Variants in FBXW10 observed in about 807,000 individuals in gnomAD.
FBXW10 encodes F-box/WD repeat-containing protein 10.
FBXW10 carries 68 observed loss-of-function variants against 113.1 expected under a neutral mutation model. The observed-to-expected ratio is 0.60, with a 90% CI of 0.49 to 0.74. The LOEUF is 0.74. Ranked by LOEUF, FBXW10 falls within the 30% of genes least tolerant of loss-of-function variation. The pLI, the probability that FBXW10 is intolerant of heterozygous loss-of-function variation, is 0.00. For synonymous variants in FBXW10, 289 were observed against 481.6 expected (o/e 0.60, Z 5.24); for missense variants, 753 against 1,284.5 (o/e 0.59, Z 6.32).
At chr17:18,756,755 C>A (rs2035272920) in intron 6 of FBXW10, among the ~76,000 whole-genome samples, 1 of 152,158 alleles carries the variant, frequency 6.6e-6, no homozygotes, top group Non-Finnish European at 1.5e-5. Context: ...GACGAAGTTC[C>A]TTTAATAAGC....
chr17:18,748,021 T>C lies in FBXW10; in HGVS notation c.586T>C (p.Trp196Arg). The C allele has an allele frequency of 6.2e-7, 1 of 1,613,816 alleles. No individual in the cohort carries two copies. The highest frequency in any genetic ancestry group is 8.5e-7 in the Non-Finnish European group (1 of 1,179,834). Residue 196 changes from tryptophan (W) to arginine (R), a missense_variant, in exon 2 of 14, where the codon TGG (tryptophan) becomes CGG (arginine). By Grantham distance (101) the Trp-to-Arg change is moderately radical. Coordinates refer to ENST00000395665, the MANE Select transcript of FBXW10 (RefSeq NM_001267585.2). ...CAAGTCTGCGACCTCACAAGTCTAT[T>C]GGACAGCCAAAACTCAGCACACATC... ...SSKSATSQVY[W>R]TAKTQHTSLP...
chr17:18,773,574 G>C (rs1351138731), intron 12 of FBXW10, among the ~76,000 whole-genome samples: 1 of 152,136 alleles, frequency 6.6e-6, no homozygotes, highest in Admixed American at 6.5e-5. Context: ...ATTATGTGTG[G>C]GTTAGAGTAG....
intron 8 of FBXW10, among the ~76,000 whole-genome samples, chr17:18,766,238 G>T (rs2035494069): frequency 6.6e-6 from 1 of 152,016 alleles, no homozygotes; most frequent in African/African-American, 2.4e-5. Flanking sequence ...TTTCATTTTG[G>T]GGATAGAAGG....
chr17:18,748,171 G>C, intron 2 of FBXW10, 66 bp downstream of exon 2: 2 of 1,600,212 alleles, frequency 1.2e-6, no homozygotes, highest in Non-Finnish European at 1.7e-6. Context: ...TGTAATCCCA[G>C]CACTTTGGGA....
intron 7 of FBXW10, among the ~76,000 whole-genome samples, chr17:18,762,410 C>T (rs1159851883): frequency 1.4e-5 from 2 of 146,660 alleles, no homozygotes; most frequent in Non-Finnish European, 3.0e-5. Flanking sequence ...CTCCGACTCC[C>T]TGATTCAAAG....
rs140063499 is a variant in FBXW10 at position 18,778,793 on chromosome 17, C to G, written c.2654C>G (p.Pro885Arg). ...ATAGATGTGAAACGAACCAGTATTCCCCTTGAAATCCAGAAACTGCAGCCC... is the reference window on the plus strand; with the variant it reads ...ATAGATGTGAAACGAACCAGTATTCGCCTTGAAATCCAGAAACTGCAGCCC... ...PPIDVKRTSI[P>R]LEIQKLQPNL... is the part of the protein sequence containing the mutation. Residue 885 changes from proline to arginine, a missense_variant, in exon 14 of 14, where the codon CCC becomes CGC. Pro to Arg is a moderately radical substitution (Grantham distance 103, BLOSUM62 -2). Coordinates refer to ENST00000395665, the MANE Select transcript of FBXW10 (RefSeq NM_001267585.2). 1.4e-5 allele frequency: 22 copies of G among 1,613,660 alleles called. No individual in the cohort carries two copies. In the African/African-American group the frequency reaches 2.9e-4, roughly 22 times the overall value.
At chr17:18,777,236 G>A (rs1421277187) in intron 13 of FBXW10, among the ~76,000 whole-genome samples, 1 of 151,362 alleles carries the variant, frequency 6.6e-6, no homozygotes, top group Non-Finnish European at 1.5e-5. Flanking sequence ...TAATTTTTTT[G>A]TATTTTTAGT....
intron 7 of FBXW10, among the ~76,000 whole-genome samples, chr17:18,758,782 G>T (rs2035323017): frequency 1.3e-5 from 2 of 148,158 alleles, no homozygotes; most frequent in African/African-American, 2.5e-5. Flanking sequence ...CTTAGAGGAA[G>T]AAATAATTTA....
In FBXW10 at chr17:18,764,791, C is replaced by T. The variant is rs778618821; in HGVS notation, c.1483C>T (p.Gln495Ter). 1 of 1,613,872 alleles carries T rather than the reference C, an allele frequency of 6.2e-7. No homozygotes were observed. The highest frequency in any genetic ancestry group is 2.2e-5 in the East Asian group (1 of 44,878). ...TTGCACACGAATCTTCGGTGGTCAC[C>T]AGGGGACTATCACTTGCATGGACTT... ...GVCTRIFGGH[Q>*]GTITCMDLCK... The change falls in exon 8 of 14, where the codon CAG (glutamine) becomes TAG (stop). Residue 495 changes from glutamine to a stop codon, truncating the protein, a stop_gained. Transcript: ENST00000395665. LOFTEE classifies it high-confidence loss of function.
chr17:18,774,024 T>C (rs1355211373), intron 12 of FBXW10, among the ~76,000 whole-genome samples: 9 of 152,208 alleles, frequency 5.9e-5, no homozygotes, highest in Admixed American at 2.0e-4. Context: ...TCGGCTACTA[T>C]TGATTACACT....
chr17:18,766,669 C>T (rs1473987177), intron 8 of FBXW10, 45 bp from the exon 9 acceptor site: 15 of 1,598,646 alleles, frequency 9.4e-6, no homozygotes, highest in Non-Finnish European at 1.0e-5. Flanking sequence ...CCTTTTCCCC[C>T]TTTTTCCCCA....
chr17:18,745,873 T>C (rs2035030928), intron 1 of FBXW10, among the ~76,000 whole-genome samples: 1 of 152,222 alleles, frequency 6.6e-6, no homozygotes, highest in African/African-American at 2.4e-5. Flanking sequence ...GTGTCTGTTT[T>C]GCTTTGCTAT....
chr17:18,769,714 T>C (rs2035571092), intron 10 of FBXW10: 1 of 532,358 alleles, frequency 1.9e-6, no homozygotes, highest in Admixed American at 3.4e-5. Context: ...TAGGTGGGGG[T>C]TGCAGTGAGC....
chr17:18,753,975 G>A (rs1379145196), intron 5 of FBXW10, among the ~76,000 whole-genome samples: 3 of 152,188 alleles, frequency 2.0e-5, no homozygotes, highest in African/African-American at 7.2e-5. Flanking sequence ...CAGTTACAGA[G>A]TCTCCTAGGA....
At chr17:18,753,485 G>A (rs1318536164) in intron 5 of FBXW10, among the ~76,000 whole-genome samples, 5 of 152,030 alleles carry the variant, frequency 3.3e-5, no homozygotes, top group South Asian at 2.1e-4. Flanking sequence ...AATGTAACTC[G>A]GTCAGAATTC....
chr17:18,756,129 T>C lies in FBXW10; in HGVS notation c.1207T>C (p.Tyr403His). 5 of 1,613,946 alleles carry C rather than the reference T, an allele frequency of 3.1e-6. No individual in the cohort carries two copies. The highest frequency in any genetic ancestry group is 4.2e-6 in the Non-Finnish European group (5 of 1,179,854). The change falls in exon 6 of 14, where the codon TAC (tyrosine) becomes CAC (histidine). Residue 403 changes from tyrosine (Y) to histidine (H), a missense_variant. Transcript: ENST00000395665. ...GGAGAGAAATGTTTTCTGTGGGACCTACAATGTTCGCATTCTCTCTGACAC... is the reference window on the plus strand; with the variant it reads ...GGAGAGAAATGTTTTCTGTGGGACCCACAATGTTCGCATTCTCTCTGACAC... The part of the protein sequence containing the change: ...IEERNVFCGT[Y>H]NVRILSDTWD...
At chr17:18,752,637 C>T (rs1046777653) in intron 5 of FBXW10, among the ~76,000 whole-genome samples, 7 of 151,064 alleles carry the variant, frequency 4.6e-5, no homozygotes, top group African/African-American at 9.7e-5. Flanking sequence ...GGTGTGAACC[C>T]GGGAGGCAGA....
Position 18,776,788 on chromosome 17 carries a change from A to G in FBXW10, c.2335+1596A>G, listed in dbSNP as rs117084603. On this transcript the variant is annotated intron_variant, in intron 13 of 13. Transcript: ENST00000395665. ...AAAAATGGGGTCCGCATTTTCTTCT[A>G]GGTTGACCATTAACAAACTAAATGT... 1.1e-3 allele frequency among the ~76,000 whole-genome samples: 163 copies of G among 152,306 alleles called. 1 individual carries two copies. The East Asian group carries it at 0.031, about 29-fold the overall frequency.
intron 7 of FBXW10, among the ~76,000 whole-genome samples, chr17:18,760,808 T>G (rs1419426846): frequency 2.0e-5 from 3 of 151,808 alleles, no homozygotes; most frequent in Non-Finnish European, 4.4e-5. Flanking sequence ...TCAATATGAA[T>G]GTAATAAAAT....
Sources: allele counts gnomAD v4.1 joint callset (sites outside exome capture counted in the v4.1 genomes callset), GRCh38; gene constraint gnomAD v4.1.1; transcripts MANE v1.5; gene names NCBI Gene and HGNC (gene_info 2026-07-23, HGNC 2026-07-21).